Variants in C16orf87 observed in about 807,000 individuals in gnomAD.
The protein encoded by C16orf87 is UPF0547 protein C16orf87.
In C16orf87, 13 loss-of-function variants were observed where a neutral mutation model predicts 21.0. The ratio of observed to expected loss-of-function variants is 0.62; its 90% CI spans 0.40 to 0.98. The LOEUF (loss-of-function observed/expected upper bound fraction) is 0.98, where lower values mean the gene tolerates loss of function less well. Among genes scored for constraint, C16orf87 ranks in the 50% least tolerant of loss-of-function variants. The pLI is 0.00. For missense variants in C16orf87, 113 were observed against 180.4 expected, an observed-to-expected ratio of 0.63 and a Z score of 2.14; for synonymous variants, 49 against 60.2, an observed-to-expected ratio of 0.81 and a Z score of 0.86.
chr16:46,822,723 T>C (rs527405901), intron 2 of C16orf87, among the ~76,000 whole-genome samples: 76 of 152,348 alleles, frequency 5.0e-4, no homozygotes, highest in African/African-American at 1.8e-3. Flanking sequence ...GTTAGCCTAC[T>C]GCAATAATCC....
chr16:46,827,645 C>T (rs1043366938), intron 1 of C16orf87, among the ~76,000 whole-genome samples: 7 of 151,558 alleles, frequency 4.6e-5, no homozygotes, highest in African/African-American at 1.5e-4. Context: ...TGCAATGGCG[C>T]GATCTTGGCT....
intron 2 of C16orf87, among the ~76,000 whole-genome samples, chr16:46,821,832 G>T (rs1381690977): frequency 6.6e-6 from 1 of 152,018 alleles, no homozygotes; most frequent in African/African-American, 2.4e-5. Flanking sequence ...CTGCAGCTGA[G>T]GCTGCAGACT....
chr16:46,817,248 A>T (rs1330342475), intron 2 of C16orf87, among the ~76,000 whole-genome samples: 1 of 152,228 alleles, frequency 6.6e-6, no homozygotes, highest in African/African-American at 2.4e-5. Context: ...TGTGAATGCA[A>T]AACAAAGGCA....
At position 46,830,524 on chromosome 16, in the gene C16orf87, G is replaced by A. The variant is rs1959813865; in HGVS notation, c.66+560C>T. 2.0e-5 allele frequency: 3 copies of A among 152,210 alleles called. No individual in the cohort carries two copies. In the South Asian group the frequency reaches 6.2e-4, roughly 31 times the overall value. The allele number at this position is 152,210 out of a possible 1,614,324, so 9.4% of individuals were successfully genotyped here. On this transcript the variant is annotated intron_variant, in intron 1 of 3. Transcript: ENST00000285697. ...AAATATAATAAATAGATGAGGAAGG[G>A]GAAAAAATCTCCAAATTCGCCGAAA...
chr16:46,825,370 A>C (rs557996037), intron 1 of C16orf87, among the ~76,000 whole-genome samples: 1 of 152,348 alleles, frequency 6.6e-6, no homozygotes, highest in South Asian at 2.1e-4. Flanking sequence ...CTAACATGAG[A>C]GGAGAAGATA....
At position 46,797,064 on chromosome 16, in the gene C16orf87, T is replaced by C. The variant is rs1967628457; in HGVS notation, c.*5888A>G. 1 of 152,216 alleles carries C rather than the reference T, an allele frequency of 6.6e-6. No homozygotes were observed. The highest frequency in any genetic ancestry group is 2.4e-5 in the African/African-American group (1 of 41,458). The allele number at this position is 152,216 out of a possible 1,614,324, so 9.4% of individuals were successfully genotyped here. On this transcript the variant is annotated 3_prime_UTR_variant, in exon 4 of 4. Transcript: ENST00000285697. The stretch of plus-strand genomic sequence containing the variant: ...GAGGCTGAAAGAACTGTCAACACAG[T>C]AGTTTATATCCAGCAAAAATATCTT...
intron 1 of C16orf87, among the ~76,000 whole-genome samples, chr16:46,829,097 G>A (rs1959743806): frequency 6.6e-6 from 1 of 152,054 alleles, no homozygotes; most frequent in African/African-American, 2.4e-5. Flanking sequence ...GAGAGAATTA[G>A]GTTTAAATTA....
chr16:46,824,077 A>G (rs1341168214), intron 2 of C16orf87, among the ~76,000 whole-genome samples: 3 of 152,340 alleles, frequency 2.0e-5, no homozygotes, highest in African/African-American at 7.2e-5. Context: ...AATTATTACT[A>G]AAGCTATTTT....
intron 2 of C16orf87, among the ~76,000 whole-genome samples, chr16:46,810,682 T>G (rs2143081784): frequency 6.6e-6 from 1 of 152,150 alleles, no homozygotes; most frequent in African/African-American, 2.4e-5. Context: ...AAATTAAAAG[T>G]AAAATAGTAA....
At chr16:46,808,190 A>G in intron 3 of C16orf87, 1 of 433,820 alleles carries the variant, frequency 2.3e-6, no homozygotes, top group Non-Finnish European at 4.6e-6. Flanking sequence ...CTGGAAGAGC[A>G]TAATAGAAAG....
At chr16:46,812,304 T>C (rs1337525828) in intron 2 of C16orf87, among the ~76,000 whole-genome samples, 8 of 152,196 alleles carry the variant, frequency 5.3e-5, no homozygotes, top group African/African-American at 1.4e-4. Flanking sequence ...GTGGACCTTA[T>C]TTAAAATCTG....
At chr16:46,807,635 ACTATCTGG>A (rs1223910936) in intron 3 of C16orf87, among the ~76,000 whole-genome samples, 2 of 152,218 alleles carry the variant, frequency 1.3e-5, no homozygotes, top group Non-Finnish European at 2.9e-5. Context: ...TAGAACATTT[ACTATCTGG>A]CTCTTTACAG....
rs749620389 is a variant in C16orf87, at chr16:46,806,668, C to T, written c.346+2935G>A. Among the ~76,000 whole-genome samples the T allele has an allele frequency of 1.5e-4, 23 of 152,252 alleles. 1 individual carries two copies. The South Asian group carries it at 1.7e-3, about 11-fold the overall frequency. On this transcript the variant is annotated intron_variant, in intron 3 of 3. Coordinates refer to ENST00000285697, the MANE Select transcript of C16orf87 (RefSeq NM_001001436.4). ...ATCCAGAATACCCTTATATATAAAA[C>T]GAAGACTTACATTAGACTAACCAAA... is the stretch of plus-strand genomic sequence containing the variant.
chr16:46,825,256 G>T (rs1412183607), intron 1 of C16orf87, among the ~76,000 whole-genome samples: 1 of 152,094 alleles, frequency 6.6e-6, no homozygotes, highest in African/African-American at 2.4e-5. Context: ...GAACGGAAAT[G>T]GAAAAAGGTA....
chr16:46,807,933 T>C (rs1338678807), intron 3 of C16orf87: 2 of 431,620 alleles, frequency 4.6e-6, no homozygotes, highest in East Asian at 7.0e-5. Flanking sequence ...CAGCTAAAGA[T>C]GGTCATTATC....
intron 2 of C16orf87, among the ~76,000 whole-genome samples, chr16:46,817,916 CAAAAAAAAAAAA>C (rs1056745014): frequency 4.4e-5 from 3 of 68,294 alleles, no homozygotes; most frequent in African/African-American, 1.7e-4. Flanking sequence ...CATCAAAAAG[CAAAAAAAAAAAA>C]AAAAAAAAAA....
At position 46,828,001 on chromosome 16, in the gene C16orf87, C is replaced by T. The variant is rs183744115; in HGVS notation, c.66+3083G>A. ...CCAGGCTGGAGTACAGTGGTGCGATCTCGGCTCACTGCAACCTCTGCCTCC... is the reference window on the plus strand; with the variant it reads ...CCAGGCTGGAGTACAGTGGTGCGATTTCGGCTCACTGCAACCTCTGCCTCC... On this transcript the variant is annotated intron_variant, in intron 1 of 3. Coordinates refer to ENST00000285697, the MANE Select transcript of C16orf87 (RefSeq NM_001001436.4). Among the ~76,000 whole-genome samples the T allele has an allele frequency of 8.7e-3, 1,319 of 151,518 alleles. 12 individuals carry two copies. The highest frequency in any genetic ancestry group is 0.014 in the Non-Finnish European group (927 of 67,898).
chr16:46,803,267 G>A (rs1225889127), intron 3 of C16orf87, among the ~76,000 whole-genome samples, 197 bp from the exon 4 acceptor site: 7 of 152,064 alleles, frequency 4.6e-5, no homozygotes. Flanking sequence ...ATTAAATGAA[G>A]ACAATATTTA....
At chr16:46,816,444 A>G (rs1029000118) in intron 2 of C16orf87, among the ~76,000 whole-genome samples, 1 of 152,232 alleles carries the variant, frequency 6.6e-6, no homozygotes, top group Non-Finnish European at 1.5e-5. Flanking sequence ...AATAAATTAG[A>G]AAACAAGATA....
Sources: allele counts gnomAD v4.1 joint callset (sites outside exome capture counted in the v4.1 genomes callset), GRCh38; gene constraint gnomAD v4.1.1; transcripts MANE v1.5; gene names NCBI Gene and HGNC (gene_info 2026-07-23, HGNC 2026-07-21).